The following TASP1 variants were observed in gnomAD, a reference collection of about 807,000 sequenced individuals.
TASP1 encodes threonine aspartase 1.
A neutral mutation model predicts 56.6 loss-of-function variants in TASP1; 16 were observed. The observed-to-expected ratio is 0.28, with a 90% confidence interval of 0.19 to 0.43. The LOEUF (loss-of-function observed/expected upper bound fraction) is 0.43, where lower values mean the gene tolerates loss of function less well. TASP1 is among the 20% of genes least tolerant of loss of function. The pLI is 1.00. For synonymous variants in TASP1, 179 were observed against 184.2 expected, an observed-to-expected ratio of 0.97 and a Z score of 0.23; for missense variants, 393 against 511.6, an observed-to-expected ratio of 0.77 and a Z score of 2.24.
chr20:13,529,324 T>C (rs946063640), intron 9 of TASP1, among the ~76,000 whole-genome samples: 36 of 152,178 alleles, frequency 2.4e-4, no homozygotes, highest in African/African-American at 7.7e-4. Context: ...CACAATGACT[T>C]TTCTGACTTT....
chr20:13,579,146 G>A (rs563733024), intron 6 of TASP1, among the ~76,000 whole-genome samples: 1 of 152,132 alleles, frequency 6.6e-6, no homozygotes, highest in East Asian at 1.9e-4. Context: ...CACACAATAG[G>A]AAATATTGGG....
the TASP1 span, among the ~76,000 whole-genome samples, chr20:13,274,433 T>C: frequency 1.3e-5 from 2 of 152,204 alleles, no homozygotes; most frequent in East Asian, 3.9e-4. Context: ...CCAGGGCTCC[T>C]GGCCTCATCT....
the TASP1 span, among the ~76,000 whole-genome samples, chr20:13,218,714 C>G: frequency 6.6e-6 from 1 of 152,192 alleles, no homozygotes; most frequent in Non-Finnish European, 1.5e-5. Flanking sequence ...AAATTGTAAG[C>G]CCGTGTTCCC....
At chr20:13,500,926 C>T (rs2043922947) in intron 10 of TASP1, among the ~76,000 whole-genome samples, 2 of 151,948 alleles carry the variant, frequency 1.3e-5, no homozygotes, top group South Asian at 4.1e-4. Flanking sequence ...AATACTATCA[C>T]ATTTAAGGAC....
At chr20:13,141,766 G>C in the TASP1 span, among the ~76,000 whole-genome samples, 105,549 of 152,082 alleles carry the variant, frequency 0.69, 36,706 homozygotes, top group African/African-American at 0.75. Context: ...TCAGCAATAG[G>C]TAATACAAAA....
the TASP1 span, among the ~76,000 whole-genome samples, chr20:13,179,406 C>CGTGCGTGTGTGT: frequency 1.4e-5 from 2 of 143,404 alleles, no homozygotes; most frequent in Non-Finnish European, 3.0e-5. Context: ...GAATTATGTG[C>CGTGCGTGTGTGT]GTGTGTGTGT....
the TASP1 span, among the ~76,000 whole-genome samples, chr20:13,224,846 T>TC: frequency 2.1e-5 from 3 of 140,736 alleles, no homozygotes; most frequent in Non-Finnish European, 4.6e-5. Context: ...TCTTTCTTTT[T>TC]TTTTTTTTTT....
chr20:13,132,558 A>AG, the TASP1 span, among the ~76,000 whole-genome samples: 1 of 152,188 alleles, frequency 6.6e-6, no homozygotes, highest in African/African-American at 2.4e-5. Flanking sequence ...ACTAAAAGGT[A>AG]AACTCCAGGA....
chr20:13,221,661 G>A, the TASP1 span: 8 of 897,098 alleles, frequency 8.9e-6, no homozygotes, highest in South Asian at 2.0e-4. Flanking sequence ...GCCCTGGCGG[G>A]AGCCGAGGCG....
the TASP1 span, among the ~76,000 whole-genome samples, chr20:13,280,391 A>AC: frequency 7.7e-3 from 1,022 of 132,026 alleles, 7 homozygotes; most frequent in South Asian, 0.019. Context: ...CTTCAAAGTA[A>AC]CCCCCCCCCC....
the TASP1 span, among the ~76,000 whole-genome samples, chr20:13,347,841 CAAAA>C: frequency 9.8e-6 from 1 of 101,788 alleles, no homozygotes. Context: ...GACTTTGTCT[CAAAA>C]AAAAAAAAAA....
At chr20:13,396,101 T>G (rs2041525854) in intron 13 of TASP1, among the ~76,000 whole-genome samples, 1 of 152,170 alleles carries the variant, frequency 6.6e-6, no homozygotes, top group African/African-American at 2.4e-5. Context: ...TGGTTGGTTT[T>G]TATTGCCTTG....
At chr20:13,174,990 C>T in the TASP1 span, among the ~76,000 whole-genome samples, 1 of 152,118 alleles carries the variant, frequency 6.6e-6, no homozygotes, top group South Asian at 2.1e-4. Flanking sequence ...GCTGTCTTGC[C>T]TGCCGCCGTG....
chr20:13,624,365 G>A (rs1016552180), intron 3 of TASP1, among the ~76,000 whole-genome samples: 7 of 151,898 alleles, frequency 4.6e-5, no homozygotes, highest in Non-Finnish European at 8.8e-5. Flanking sequence ...AAATAGCTTC[G>A]AGAACTTTTA....
At chr20:13,372,206 G>C in the TASP1 span, among the ~76,000 whole-genome samples, 1 of 152,166 alleles carries the variant, frequency 6.6e-6, no homozygotes, top group Admixed American at 6.5e-5. Flanking sequence ...ATTTAAATCA[G>C]TGAACACTGA....
chr20:13,207,200 C>T, the TASP1 span, among the ~76,000 whole-genome samples: 1 of 152,314 alleles, frequency 6.6e-6, no homozygotes, highest in African/African-American at 2.4e-5. Flanking sequence ...TGGCTTTAGG[C>T]TTCAAGTCAG....
the TASP1 span, among the ~76,000 whole-genome samples, chr20:13,118,383 G>A: frequency 6.9e-6 from 1 of 144,764 alleles, no homozygotes; most frequent in Non-Finnish European, 1.5e-5. Flanking sequence ...CTGATCTGCT[G>A]GGATTAGACT....
intron 13 of TASP1, among the ~76,000 whole-genome samples, chr20:13,394,381 C>T (rs563342750): frequency 1.8e-4 from 27 of 148,630 alleles, no homozygotes; most frequent in Non-Finnish European, 2.8e-4. Flanking sequence ...GAGGCCAAGG[C>T]GGGCGGATCA....
chr20:13,116,619 G>A, the TASP1 span, among the ~76,000 whole-genome samples: 2 of 152,286 alleles, frequency 1.3e-5, no homozygotes, highest in African/African-American at 4.8e-5. Flanking sequence ...GCCCTAGCAT[G>A]GAAGGTTCTA....
Sources: gnomAD v4.1 joint callset for allele counts (sites outside exome capture counted in the v4.1 genomes callset) on GRCh38, gnomAD v4.1.1 for gene constraint, MANE v1.5 for transcripts, NCBI Gene and HGNC (gene_info 2026-07-23, HGNC 2026-07-21) for gene names.